NRP1: variants seen among roughly 807,000 people sequenced by gnomAD.
NRP1 encodes the protein neuropilin 1, also known as neuropilin-1.
Under a neutral mutation model 106.7 loss-of-function variants are expected in NRP1, and 35 were observed. That is an observed-to-expected ratio of 0.33 (90% confidence interval 0.25 to 0.43). The LOEUF is 0.43. Among genes scored for constraint, NRP1 ranks in the 20% least tolerant of loss-of-function variants. NRP1 has a pLI of 1.00. For synonymous variants in NRP1, 437 were observed against 417.9 expected (o/e 1.05, Z -0.56); for missense variants, 1,024 against 1,170.4 (o/e 0.87, Z 1.83).
intron 5 of NRP1, 99 bp downstream of exon 5, chr10:33,256,217 A>T: frequency 8.1e-7 from 1 of 1,234,470 alleles, no homozygotes; most frequent in Non-Finnish European, 1.1e-6. Context: ...ACCCCAGTTC[A>T]CAAAACATTT....
chr10:33,191,509 A>G (rs1836410779), intron 13 of NRP1, among the ~76,000 whole-genome samples: 1 of 152,192 alleles, frequency 6.6e-6, no homozygotes, highest in African/African-American at 2.4e-5. Context: ...AGGGGACATA[A>G]TATATGCTTG....
chr10:33,244,853 T>C (rs1306721941), intron 6 of NRP1, among the ~76,000 whole-genome samples: 1 of 152,220 alleles, frequency 6.6e-6, no homozygotes, highest in Non-Finnish European at 1.5e-5. Flanking sequence ...CAGTCTTATT[T>C]TGCCTAAATC....
chr10:33,308,526 GC>G (rs1269674270), intron 2 of NRP1, among the ~76,000 whole-genome samples: 1 of 151,570 alleles, frequency 6.6e-6, no homozygotes, highest in Non-Finnish European at 1.5e-5. Context: ...TCACTCTGTC[GC>G]CCACGCTGGA....
At chr10:33,263,558 T>A in intron 4 of NRP1, 88 bp downstream of exon 4, 1 of 912,184 alleles carries the variant, frequency 1.1e-6, no homozygotes, top group Admixed American at 2.6e-5. Flanking sequence ...TTTTTTTTAA[T>A]GATTCATGTA....
At chr10:33,220,612 C>T (rs901306829) in intron 8 of NRP1, among the ~76,000 whole-genome samples, 4 of 152,086 alleles carry the variant, frequency 2.6e-5, no homozygotes, top group African/African-American at 9.7e-5. Flanking sequence ...AACAAATGGA[C>T]AGGCTGGGCG....
At chr10:33,305,279 A>C (rs1488862756) in intron 2 of NRP1, among the ~76,000 whole-genome samples, 1 of 152,218 alleles carries the variant, frequency 6.6e-6, no homozygotes, top group Non-Finnish European at 1.5e-5. Flanking sequence ...TAATGTGGAC[A>C]TCCTAGGAAA....
At chr10:33,197,529 G>T in intron 12 of NRP1, 121 bp downstream of exon 12, 1 of 617,360 alleles carries the variant, frequency 1.6e-6, no homozygotes, top group South Asian at 3.1e-5. Context: ...CATGCTTGGA[G>T]ACCAGATGCT....
rs1299770022 is a variant in NRP1, at chr10:33,304,667, C to T, written c.248+26041G>A. On this transcript the variant is annotated intron_variant, in intron 2 of 16. Coordinates refer to ENST00000374867, the MANE Select transcript of NRP1 (RefSeq NM_003873.7). ...CTGGGGGATGAAATGAGAATGACCC[C>T]ATCTAAACAAAAGACCACATGGTTG... Among the ~76,000 whole-genome samples the T allele has an allele frequency of 2.6e-5, 4 of 152,246 alleles. No individual in the cohort carries two copies. The East Asian group carries it at 5.8e-4, about 22-fold the overall frequency.
At chr10:33,301,862 A>T (rs1845825672) in intron 2 of NRP1, among the ~76,000 whole-genome samples, 1 of 152,220 alleles carries the variant, frequency 6.6e-6, no homozygotes, top group Non-Finnish European at 1.5e-5. Context: ...TGTAGAAAGA[A>T]CATATGGATA....
intron 2 of NRP1, among the ~76,000 whole-genome samples, chr10:33,310,327 T>C (rs550248143): frequency 1.7e-4 from 23 of 139,346 alleles, no homozygotes; most frequent in Admixed American, 2.3e-4. Flanking sequence ...CTCGGCTCAC[T>C]GCAACCTCCG....
chr10:33,203,694 A>T (rs979408129), intron 10 of NRP1, among the ~76,000 whole-genome samples: 2 of 149,926 alleles, frequency 1.3e-5, no homozygotes, highest in Non-Finnish European at 3.0e-5. Flanking sequence ...TTTGCAGTTG[A>T]AAGGTATCCA....
chr10:33,264,083 T>C (rs919523332), intron 3 of NRP1, among the ~76,000 whole-genome samples: 6 of 152,190 alleles, frequency 3.9e-5, no homozygotes, highest in African/African-American at 1.4e-4. Flanking sequence ...AGCTTTCCAT[T>C]TGTATGGAGC....
intron 6 of NRP1, among the ~76,000 whole-genome samples, chr10:33,252,130 T>A (rs918766720): frequency 6.6e-6 from 1 of 152,130 alleles, no homozygotes; most frequent in Non-Finnish European, 1.5e-5. Context: ...CACAAGTGGC[T>A]GATCGTCGAG....
rs1272293907 is a variant in NRP1 at position 33,213,411 on chromosome 10, A to G, written c.1589T>C (p.Met530Thr). The G allele has an allele frequency of 6.2e-7, 1 of 1,613,932 alleles. No homozygotes were observed. Among genetic ancestry groups the G allele is most frequent in the Non-Finnish European group, 8.5e-7 (1 of 1,180,008 alleles). Reference protein sequence around the residue: ...SNNGSDWKMIMDDSKRKAKSF... With the variant: ...SNNGSDWKMITDDSKRKAKSF... ...CTTCGCCTTGCGTTTGCTGTCATCC[A>G]TGATCATCTTCCAGTCCGAGCCGTT... Residue 530 changes from methionine (M) to threonine (T), a missense_variant, in exon 9 of 17, where the codon ATG becomes ACG. Physicochemically the swap from Met to Thr is moderately conservative, Grantham distance 81 (BLOSUM62 -1). Around this residue, in one of 5 missense-constraint regions of NRP1, gnomAD observed 562 missense variants for 620.3 expected, o/e 0.91. Coordinates refer to ENST00000374867, the MANE Select transcript of NRP1 (RefSeq NM_003873.7).
In NRP1 at chr10:33,202,885, C is replaced by T; in HGVS notation, c.1864+6G>A. On this transcript the variant is annotated splice_donor_region_variant and intron_variant, in intron 11 of 16. Coordinates refer to ENST00000374867, the MANE Select transcript of NRP1 (RefSeq NM_003873.7). The stretch of plus-strand genomic sequence containing the variant: ...TACAGCAATGGGATGAAGATGGTTT[C>T]TGCACCTGTGAGCTGGAAGTCATCA... 1 of 1,614,216 alleles carries T rather than the reference C, an allele frequency of 6.2e-7. No individual in the cohort carries two copies. The highest frequency in any genetic ancestry group is 1.3e-5 in the African/African-American group (1 of 75,058).
At chr10:33,256,853 C>T (rs751867267) in intron 4 of NRP1, among the ~76,000 whole-genome samples, 1 of 152,210 alleles carries the variant, frequency 6.6e-6, no homozygotes, top group Non-Finnish European at 1.5e-5. Flanking sequence ...GCTGTGGTCA[C>T]TGAGGTTTCT....
intron 2 of NRP1, among the ~76,000 whole-genome samples, chr10:33,301,235 C>A (rs1026622556): frequency 1.3e-5 from 2 of 152,178 alleles, no homozygotes; most frequent in Admixed American, 6.5e-5. Context: ...ACAGCCTGTT[C>A]GCTTGGCTCC....
At chr10:33,310,977 C>A (rs756955671) in intron 2 of NRP1, among the ~76,000 whole-genome samples, 49 of 152,104 alleles carry the variant, frequency 3.2e-4, no homozygotes, top group Non-Finnish European at 4.4e-4. Context: ...TCAGAGCTGA[C>A]TTGGTTCAGT....
intron 6 of NRP1, among the ~76,000 whole-genome samples, chr10:33,234,962 A>C (rs1840443428): frequency 6.6e-6 from 1 of 152,154 alleles, no homozygotes; most frequent in Non-Finnish European, 1.5e-5. Flanking sequence ...CAAAAGAACA[A>C]CAAGAAAATG....
Sources: gnomAD v4.1 joint callset for allele counts (sites outside exome capture counted in the v4.1 genomes callset) on GRCh38, gnomAD v4.1.1 for gene constraint, gnomAD v4.1.1 regional missense constraint, MANE v1.5 for transcripts, NCBI Gene and HGNC (gene_info 2026-07-23, HGNC 2026-07-21) for gene names.